The following MIB1 variants were observed in gnomAD, a reference collection of about 807,000 sequenced individuals.
MIB1 encodes the protein MIB E3 ubiquitin protein ligase 1.
A neutral mutation model predicts 124.5 loss-of-function variants in MIB1; 278 were observed. That is an observed-to-expected ratio of 2.23 (90% CI 2.02 to 2.47). MIB1 has a LOEUF of 2.47. Among genes scored for constraint, MIB1 ranks in the 30% most tolerant of loss-of-function variants. MIB1 has a pLI of 0.00. For synonymous variants in MIB1, 446 were observed against 429.4 expected (o/e 1.04, Z -0.48); for missense variants, 957 against 1,254.4 (o/e 0.76, Z 3.58).
At chr18:21,812,820 T>A (rs1453393584) in intron 10 of MIB1, among the ~76,000 whole-genome samples, 1 of 152,180 alleles carries the variant, frequency 6.6e-6, no homozygotes, top group African/African-American at 2.4e-5. Flanking sequence ...TCCTTGAAAT[T>A]CTCTTTTGGC....
intron 12 of MIB1, among the ~76,000 whole-genome samples, chr18:21,823,520 A>G (rs546082863): frequency 2.0e-5 from 3 of 152,296 alleles, no homozygotes; most frequent in East Asian, 3.9e-4. Flanking sequence ...TGAAGTCTCT[A>G]TTTCAAAGGT....
intron 1 of MIB1, among the ~76,000 whole-genome samples, chr18:21,717,552 A>G (rs2040694886): frequency 6.6e-6 from 1 of 152,248 alleles, no homozygotes; most frequent in South Asian, 2.1e-4. Flanking sequence ...TTAGCAAGAA[A>G]AAAAACAAAC....
chr18:21,721,687 TA>T (rs1475038232), intron 1 of MIB1, among the ~76,000 whole-genome samples: 1 of 152,156 alleles, frequency 6.6e-6, no homozygotes, highest in East Asian at 1.9e-4. Flanking sequence ...GCATTTGTAA[TA>T]AAACTGTAGC....
rs766458399 is a variant in MIB1, at chr18:21,779,611, T to C, written c.834T>C (p.Thr278=). The change falls in exon 6 of 21, where the codon ACT becomes ACC. Residue 278 remains threonine (T), a synonymous_variant. Transcript: ENST00000261537. ...GATGGACTGATGGAATGTTTGAGAC[T>C]TTAACTACAACTGGAACTGTTTGTG... ...HGGWTDGMFE[T]LTTTGTVCGI... is the part of the protein sequence containing the mutation. The C allele has an allele frequency of 3.1e-6, 5 of 1,614,128 alleles. No individual in the cohort carries two copies. The highest frequency in any genetic ancestry group is 4.2e-6 in the Non-Finnish European group (5 of 1,179,984).
At position 21,818,053 on chromosome 18, in the gene MIB1, TG is replaced by T. The variant is rs1598625608; in HGVS notation, c.1678-1440del. ...GTAAAAAGTAGTCAGCTTGAAAAAA[TG>T]GTAGACTGAGATTGCTAAATTTTAA... On this transcript the variant is annotated intron_variant, in intron 11 of 20. Coordinates refer to ENST00000261537, the MANE Select transcript of MIB1 (RefSeq NM_020774.4). Among the ~76,000 whole-genome samples the T allele has an allele frequency of 2.6e-5, 4 of 152,318 alleles. No homozygotes were observed. The East Asian group carries it at 7.7e-4, about 29-fold the overall frequency.
chr18:21,748,028 A>C (rs1425478526), intron 1 of MIB1, among the ~76,000 whole-genome samples: 1 of 152,210 alleles, frequency 6.6e-6, no homozygotes, highest in African/African-American at 2.4e-5. Context: ...ATTGGATCAG[A>C]GATTAGATAG....
At chr18:21,848,786 G>C (rs547007713) in intron 16 of MIB1, among the ~76,000 whole-genome samples, 4 of 152,136 alleles carry the variant, frequency 2.6e-5, no homozygotes, top group Non-Finnish European at 5.9e-5. Flanking sequence ...ATGATGCTTT[G>C]TTCCGTCTTT....
chr18:21,787,870 T>C (rs1250610743), intron 6 of MIB1, among the ~76,000 whole-genome samples: 1 of 151,914 alleles, frequency 6.6e-6, no homozygotes, highest in Non-Finnish European at 1.5e-5. Flanking sequence ...TTATCAGCGG[T>C]ATAAAATTGT....
At chr18:21,709,380 C>T (rs545977635) in intron 1 of MIB1, among the ~76,000 whole-genome samples, 1 of 151,444 alleles carries the variant, frequency 6.6e-6, no homozygotes. Context: ...TGCTCTCTCT[C>T]GGCTACACTG....
At chr18:21,732,805 G>T (rs3017036) in intron 1 of MIB1, among the ~76,000 whole-genome samples, 69,450 of 152,126 alleles carry the variant, frequency 0.46, 19,263 homozygotes, top group African/African-American at 0.78. Context: ...CCTTCAAAAC[G>T]CTCACAAAAT....
chr18:21,820,979 T>G (rs1409119554), intron 12 of MIB1, among the ~76,000 whole-genome samples: 2 of 152,198 alleles, frequency 1.3e-5, no homozygotes, highest in African/African-American at 4.8e-5. Flanking sequence ...AATGTGTCAA[T>G]ACCTCATTCC....
chr18:21,758,679 C>T (rs1193188855), intron 1 of MIB1, among the ~76,000 whole-genome samples: 2 of 151,988 alleles, frequency 1.3e-5, no homozygotes, highest in African/African-American at 2.4e-5. Flanking sequence ...GGACTACAGG[C>T]GTGTGCCACC....
chr18:21,782,924 A>G (rs1339132669), intron 6 of MIB1, among the ~76,000 whole-genome samples: 3 of 152,064 alleles, frequency 2.0e-5, no homozygotes, highest in East Asian at 1.9e-4. Flanking sequence ...CTTTAGATCT[A>G]TTGATGTTTG....
chr18:21,751,044 A>G (rs2040968947), intron 1 of MIB1, among the ~76,000 whole-genome samples: 1 of 151,878 alleles, frequency 6.6e-6, no homozygotes, highest in East Asian at 2.0e-4. Flanking sequence ...AAAAAAATAT[A>G]AAAATTAGCC....
intron 1 of MIB1, among the ~76,000 whole-genome samples, chr18:21,710,024 G>A (rs567077590): frequency 5.3e-5 from 8 of 152,304 alleles, no homozygotes; most frequent in Admixed American, 3.3e-4. Flanking sequence ...TTACCTTTGT[G>A]ATGAAGAAAC....
chr18:21,800,100 A>G, intron 9 of MIB1, 126 bp downstream of exon 9: 1 of 703,804 alleles, frequency 1.4e-6, no homozygotes, highest in Admixed American at 3.2e-5. Context: ...GTTTTTGTGA[A>G]GTATTTTAAA....
rs750442077 is a variant in MIB1 at position 21,804,027 on chromosome 18, G to A, written c.1479+13G>A. ...TGTCGAAGCAGAGGTAAGTAAACTTGAAAAATATTTTAAGTAAACATTTAT... is the reference window on the plus strand; with the variant it reads ...TGTCGAAGCAGAGGTAAGTAAACTTAAAAAATATTTTAAGTAAACATTTAT... On this transcript the variant is annotated intron_variant, in intron 10 of 20. Coordinates refer to ENST00000261537, the MANE Select transcript of MIB1 (RefSeq NM_020774.4). 6.4e-7 allele frequency: 1 copy of A among 1,555,316 alleles called. No homozygotes were observed. Among genetic ancestry groups the A allele is most frequent in the Non-Finnish European group, 8.9e-7 (1 of 1,127,984 alleles).
chr18:21,842,249 A>G (rs982305666), intron 13 of MIB1, among the ~76,000 whole-genome samples: 1 of 152,300 alleles, frequency 6.6e-6, no homozygotes, highest in East Asian at 1.9e-4. Flanking sequence ...ATACCCCGCC[A>G]GTATCAAGAG....
intron 6 of MIB1, among the ~76,000 whole-genome samples, chr18:21,789,472 G>A (rs2041476832): frequency 6.6e-6 from 1 of 151,860 alleles, no homozygotes; most frequent in Non-Finnish European, 1.5e-5. Flanking sequence ...TTTTGGAAGG[G>A]GGCATAATTC....
Sources: allele counts gnomAD v4.1 joint callset (sites outside exome capture counted in the v4.1 genomes callset), GRCh38; gene constraint gnomAD v4.1.1; transcripts MANE v1.5; gene names NCBI Gene and HGNC (gene_info 2026-07-23, HGNC 2026-07-21).